NEURL1: variants seen among roughly 807,000 people sequenced by gnomAD.
NEURL1 encodes neuralized E3 ubiquitin protein ligase 1.
In NEURL1, 26 loss-of-function variants were observed where a neutral mutation model predicts 41.2. The observed-to-expected ratio is 0.63, with a 90% CI of 0.46 to 0.87. The LOEUF (loss-of-function observed/expected upper bound fraction) is 0.87. Among genes scored for constraint, NEURL1 ranks in the 40% least tolerant of loss-of-function variants. NEURL1 has a pLI of 0.00. For missense variants in NEURL1, 761 were observed against 871.1 expected (o/e 0.87, Z 1.59); for synonymous variants, 400 against 402.3 (o/e 0.99, Z 0.07).
intron 1 of NEURL1, chr10:103,555,443 C>G: frequency 7.4e-7 from 1 of 1,345,676 alleles, no homozygotes; most frequent in African/African-American, 1.5e-5. Context: ...TGCGGGCCCG[C>G]CCACCCCAGC....
chr10:103,526,207 T>G (rs931136426), intron 1 of NEURL1, among the ~76,000 whole-genome samples: 1 of 150,572 alleles, frequency 6.6e-6, no homozygotes, highest in African/African-American at 2.4e-5. Context: ...CTTTTTTTTG[T>G]TGTGTACTTG....
At chr10:103,549,678 G>C (rs1344277909) in intron 1 of NEURL1, among the ~76,000 whole-genome samples, 4 of 152,188 alleles carry the variant, frequency 2.6e-5, no homozygotes, top group Non-Finnish European at 5.9e-5. Context: ...ATAGCAGCAA[G>C]GGGCTGCCTC....
At chr10:103,533,747 AG>A (rs1467562295) in intron 1 of NEURL1, among the ~76,000 whole-genome samples, 3 of 152,168 alleles carry the variant, frequency 2.0e-5, no homozygotes, top group Admixed American at 6.5e-5. Context: ...CGTGTTAGCC[AG>A]GATGGTCTCG....
chr10:103,555,478 C>T (rs1347299971), intron 1 of NEURL1: 5 of 1,285,492 alleles, frequency 3.9e-6, no homozygotes, highest in South Asian at 2.5e-5. Context: ...GGAGGCCGGG[C>T]GGAGGGGCGC....
intron 3 of NEURL1, among the ~76,000 whole-genome samples, chr10:103,583,391 G>A (rs919589587): frequency 1.3e-5 from 2 of 152,022 alleles, no homozygotes; most frequent in Non-Finnish European, 2.9e-5. Flanking sequence ...AACAAGTGAT[G>A]TTTATATAGC....
At position 103,581,838 on chromosome 10, in the gene NEURL1, T is replaced by C. The variant is rs75831746; in HGVS notation, c.650-2698T>C. Among the ~76,000 whole-genome samples, 1,238 of 152,300 alleles carry C rather than the reference T, an allele frequency of 8.1e-3. 16 individuals are homozygous for C. Among genetic ancestry groups the C allele is most frequent in the African/African-American group, 0.028 (1,156 of 41,552 alleles). The stretch of plus-strand genomic sequence containing the variant: ...AGAATTGTCTTCAGTACTGGGCTGA[T>C]AGGCAGCTCAGGAGGTAGTGGGTTA... On this transcript the variant is annotated intron_variant, in intron 3 of 5. Transcript: ENST00000369780.
chr10:103,575,836 C>T (rs2035650853), intron 3 of NEURL1, among the ~76,000 whole-genome samples: 1 of 152,248 alleles, frequency 6.6e-6, no homozygotes, highest in South Asian at 2.1e-4. Flanking sequence ...CCGCCAGCAA[C>T]TAAATAAACA....
intron 1 of NEURL1, chr10:103,511,917 T>G (rs1236353683): frequency 6.6e-6 from 1 of 152,280 alleles, no homozygotes; most frequent in Non-Finnish European, 1.5e-5. Context: ...TTCAAACTTT[T>G]CTTCTATGGG....
intron 1 of NEURL1, among the ~76,000 whole-genome samples, chr10:103,562,677 G>A (rs571568407): frequency 2.6e-5 from 4 of 152,282 alleles, no homozygotes; most frequent in East Asian, 3.9e-4. Context: ...TTGGTGATGC[G>A]TCCTCTGTTA....
chr10:103,547,856 C>T (rs578161512), intron 1 of NEURL1, among the ~76,000 whole-genome samples: 1 of 152,104 alleles, frequency 6.6e-6, no homozygotes, highest in South Asian at 2.1e-4. Context: ...GTTTCCGCAT[C>T]TCGGATGGAC....
Position 103,590,086 on chromosome 10 carries a change from G to A in NEURL1, c.1487-48G>A, listed in dbSNP as rs947462352. 12 of 1,568,158 alleles carry A rather than the reference G, an allele frequency of 7.7e-6. No homozygotes were observed. In the South Asian group the frequency reaches 7.8e-5, roughly 10 times the overall value. On this transcript the variant is annotated intron_variant, in intron 5 of 5. Transcript: ENST00000369780. Reference sequence around the variant, plus strand: ...GGAGCTCTCTTCCCGTGAATCCAGCGCCGGGTTGGGCCATGTCTCCTCCTG... The same window carrying A: ...GGAGCTCTCTTCCCGTGAATCCAGCACCGGGTTGGGCCATGTCTCCTCCTG...
Position 103,584,744 on chromosome 10 carries a change from G to T in NEURL1, c.858G>T (p.Leu286=). The change falls in exon 4 of 6, where the codon CTG becomes CTT. Residue 286 remains leucine (L), a synonymous_variant. Transcript: ENST00000369780. ...NSLNSQHSRA[L]PAQLDGDLRF... The stretch of plus-strand genomic sequence containing the variant: ...TCAACTCGCAGCACAGCCGCGCGCT[G>T]CCGGCGCAGCTCGACGGCGACCTGC... 1 of 1,463,464 alleles carries T rather than the reference G, an allele frequency of 6.8e-7. No individual in the cohort carries two copies. The highest frequency in any genetic ancestry group is 9.0e-7 in the Non-Finnish European group (1 of 1,112,820). 90.7% of individuals were successfully genotyped at this position (1,463,464 alleles called of 1,614,324 possible). A position where few individuals can be genotyped will look rare whatever the true frequency, so the allele number is the denominator to read the frequency against.
intron 1 of NEURL1, among the ~76,000 whole-genome samples, chr10:103,531,422 T>G (rs2034567040): frequency 6.6e-6 from 1 of 152,208 alleles, no homozygotes; most frequent in Non-Finnish European, 1.5e-5. Context: ...TTTTATTTAT[T>G]AGAGGTGGAG....
At chr10:103,512,710 G>A (rs1329026019) in intron 1 of NEURL1, among the ~76,000 whole-genome samples, 1 of 152,170 alleles carries the variant, frequency 6.6e-6, no homozygotes, top group Non-Finnish European at 1.5e-5. Flanking sequence ...CTGGGCTCAA[G>A]GGCAGGTATG....
At chr10:103,571,472 G>T in intron 2 of NEURL1, 29 bp from the exon 3 acceptor site, 1 of 1,575,568 alleles carries the variant, frequency 6.3e-7, no homozygotes, top group East Asian at 2.2e-5. Flanking sequence ...GTGGGAGAGG[G>T]TGGGCTGAGG....
intron 2 of NEURL1, 131 bp from the exon 3 acceptor site, chr10:103,571,369 TG>T: frequency 9.3e-7 from 1 of 1,073,046 alleles, no homozygotes; most frequent in Non-Finnish European, 1.3e-6. Context: ...GGAGGGCTCC[TG>T]GGAGGGAACT....
chr10:103,580,931 C>G (rs2035771929), intron 3 of NEURL1, among the ~76,000 whole-genome samples: 1 of 152,152 alleles, frequency 6.6e-6, no homozygotes, highest in African/African-American at 2.4e-5. Context: ...GCTTCTTGGT[C>G]TTTGGTGATT....
chr10:103,549,761 A>G (rs560277777), intron 1 of NEURL1, among the ~76,000 whole-genome samples: 1 of 152,176 alleles, frequency 6.6e-6, no homozygotes, highest in Admixed American at 6.5e-5. Context: ...CCTACTTCAT[A>G]AAAAGAAGTT....
At chr10:103,533,951 G>A (rs528211614) in intron 1 of NEURL1, among the ~76,000 whole-genome samples, 43 of 151,874 alleles carry the variant, frequency 2.8e-4, no homozygotes, top group Non-Finnish European at 4.9e-4. Context: ...GATTACAGGC[G>A]TGAACCACCG....
Sources: allele counts gnomAD v4.1 joint callset (sites outside exome capture counted in the v4.1 genomes callset), GRCh38; gene constraint gnomAD v4.1.1; transcripts MANE v1.5; gene names NCBI Gene and HGNC (gene_info 2026-07-23, HGNC 2026-07-21).